Variants in SLC25A21 observed in about 807,000 individuals in gnomAD.
SLC25A21 encodes the protein mitochondrial 2-oxodicarboxylate carrier.
A neutral mutation model predicts 43.8 loss-of-function variants in SLC25A21; 47 were observed. The observed-to-expected ratio is 1.07, with a 90% confidence interval of 0.85 to 1.37. SLC25A21 has a LOEUF of 1.37. SLC25A21 is among the 40% of genes most tolerant of loss of function. SLC25A21 has a pLI of 0.00. For synonymous variants in SLC25A21, 131 were observed against 121.3 expected, an observed-to-expected ratio of 1.08 and a Z score of -0.52; for missense variants, 352 against 350.2, an observed-to-expected ratio of 1.00 and a Z score of -0.04.
Position 37,089,530 on chromosome 14 carries a change from C to T in SLC25A21, c.70+82751G>A, listed in dbSNP as rs575199752. 2.0e-5 allele frequency among the ~76,000 whole-genome samples: 3 copies of T among 152,302 alleles called. No homozygotes were observed. The South Asian group carries it at 6.2e-4, about 32-fold the overall frequency. ...CTATATGAATCCCAACTTTCAAAAA[C>T]GTTTCTGCTGCCTTTTTTATTATCC... is the stretch of plus-strand genomic sequence containing the variant. On this transcript the variant is annotated intron_variant, in intron 1 of 9. Coordinates refer to ENST00000331299, the MANE Select transcript of SLC25A21 (RefSeq NM_030631.4).
chr14:37,096,342 G>A (rs891550398), intron 1 of SLC25A21, among the ~76,000 whole-genome samples: 1 of 152,156 alleles, frequency 6.6e-6, no homozygotes, highest in African/African-American at 2.4e-5. Context: ...CCTTGGGGTA[G>A]TCTTATTCGG....
At position 36,827,912 on chromosome 14, in the gene SLC25A21, T is replaced by A. The variant is rs537211238; in HGVS notation, c.120-13911A>T. ...TTCTAGTGCAATACAGGAAAAACAATTGCAAATCCCAAGTTTAAACATTCT... is the reference window on the plus strand; with the variant it reads ...TTCTAGTGCAATACAGGAAAAACAAATGCAAATCCCAAGTTTAAACATTCT... On this transcript the variant is annotated intron_variant, in intron 2 of 9. Coordinates refer to ENST00000331299, the MANE Select transcript of SLC25A21 (RefSeq NM_030631.4). Among the ~76,000 whole-genome samples the A allele has an allele frequency of 9.2e-5, 14 of 152,296 alleles. No individual in the cohort carries two copies. In the South Asian group the frequency reaches 2.9e-3, roughly 32 times the overall value.
At chr14:37,152,940 C>T (rs578074854) in intron 1 of SLC25A21, among the ~76,000 whole-genome samples, 1 of 152,212 alleles carries the variant, frequency 6.6e-6, no homozygotes, top group East Asian at 1.9e-4. Context: ...AGACAGAATG[C>T]TGATGCTCAA....
intron 1 of SLC25A21, among the ~76,000 whole-genome samples, chr14:37,128,538 C>CTGTGTGTGTG (rs367948974): frequency 0.047 from 5,767 of 122,668 alleles, 215 homozygotes; most frequent in Admixed American, 0.08. Flanking sequence ...CTCTCTCTCT[C>CTGTGTGTGTG]TGTGTGTGTG....
At chr14:37,113,797 T>C (rs1255079141) in intron 1 of SLC25A21, among the ~76,000 whole-genome samples, 1 of 139,090 alleles carries the variant, frequency 7.2e-6, no homozygotes, top group East Asian at 2.1e-4. Flanking sequence ...GAGCATGCAG[T>C]GAGCCAAGAT....
chr14:36,905,499 C>T (rs1891511325), intron 1 of SLC25A21, among the ~76,000 whole-genome samples: 1 of 152,206 alleles, frequency 6.6e-6, no homozygotes, highest in South Asian at 2.1e-4. Flanking sequence ...TTGTAATCTT[C>T]ATTGTTGAGG....
At chr14:36,826,711 T>G (rs1171986442) in intron 2 of SLC25A21, among the ~76,000 whole-genome samples, 1 of 152,200 alleles carries the variant, frequency 6.6e-6, no homozygotes, top group Non-Finnish European at 1.5e-5. Context: ...CATTTCCATG[T>G]CAGAGAGTTG....
At chr14:36,789,685 TCA>T (rs1270809374) in intron 3 of SLC25A21, among the ~76,000 whole-genome samples, 23 of 137,908 alleles carry the variant, frequency 1.7e-4, no homozygotes, top group African/African-American at 2.7e-4. Context: ...GTTACTGTAA[TCA>T]CACACACACA....
intron 2 of SLC25A21, among the ~76,000 whole-genome samples, chr14:36,855,275 T>C: frequency 6.6e-6 from 1 of 151,424 alleles, no homozygotes; most frequent in South Asian, 2.1e-4. Flanking sequence ...TGAGGAGCAA[T>C]CAGCCAAACA....
intron 1 of SLC25A21, among the ~76,000 whole-genome samples, chr14:36,908,155 T>C (rs546761735): frequency 8.5e-5 from 13 of 152,292 alleles, no homozygotes; most frequent in African/African-American, 2.2e-4. Context: ...TGAATACATG[T>C]CATTATACAT....
At chr14:36,786,861 C>T (rs1566612891) in intron 3 of SLC25A21, among the ~76,000 whole-genome samples, 2 of 152,122 alleles carry the variant, frequency 1.3e-5, no homozygotes, top group Admixed American at 1.3e-4. Context: ...GAAATGTTCC[C>T]GGCCCAGCCT....
chr14:36,824,179 C>T, intron 2 of SLC25A21, among the ~76,000 whole-genome samples: 1 of 152,018 alleles, frequency 6.6e-6, no homozygotes, highest in Non-Finnish European at 1.5e-5. Flanking sequence ...GGATGCTTTT[C>T]AATAATATCA....
intron 3 of SLC25A21, among the ~76,000 whole-genome samples, chr14:36,740,946 C>T (rs1024190): frequency 0.54 from 82,011 of 151,822 alleles, 22,804 homozygotes; most frequent in African/African-American, 0.66. Context: ...TCAGTTTGAA[C>T]GACTAAAAAA....
At chr14:36,705,622 C>T (rs934365483) in intron 7 of SLC25A21, among the ~76,000 whole-genome samples, 2 of 152,162 alleles carry the variant, frequency 1.3e-5, no homozygotes, top group Non-Finnish European at 2.9e-5. Context: ...CTCTCACACA[C>T]ACACAATTCC....
At chr14:36,684,125 T>C (rs1238713097) in intron 8 of SLC25A21, among the ~76,000 whole-genome samples, 2 of 152,182 alleles carry the variant, frequency 1.3e-5, no homozygotes, top group Non-Finnish European at 2.9e-5. Context: ...ATCAGTGAGA[T>C]GGTTTTTGCT....
intron 7 of SLC25A21, among the ~76,000 whole-genome samples, chr14:36,706,192 T>A (rs1883555952): frequency 6.6e-6 from 1 of 152,192 alleles, no homozygotes; most frequent in Non-Finnish European, 1.5e-5. Flanking sequence ...CAATTCTGCA[T>A]ACTAACGAGC....
intron 1 of SLC25A21, among the ~76,000 whole-genome samples, chr14:36,887,159 T>C (rs750105564): frequency 7.9e-5 from 12 of 151,992 alleles, no homozygotes; most frequent in Non-Finnish European, 1.5e-4. Flanking sequence ...ATATATTACA[T>C]ATAAATATGT....
chr14:36,748,730 T>C (rs1885593136), intron 3 of SLC25A21, among the ~76,000 whole-genome samples: 2 of 152,196 alleles, frequency 1.3e-5, no homozygotes, highest in Admixed American at 1.3e-4. Context: ...CCTATGACTT[T>C]AGTTATCCAC....
At chr14:37,169,308 AG>A (rs904295379) in intron 1 of SLC25A21, among the ~76,000 whole-genome samples, 1 of 152,054 alleles carries the variant, frequency 6.6e-6, no homozygotes, top group African/African-American at 2.4e-5. Context: ...CCATCCCGAA[AG>A]GTGTAGTAGT....
Sources: allele counts gnomAD v4.1 joint callset (sites outside exome capture counted in the v4.1 genomes callset), GRCh38; gene constraint gnomAD v4.1.1; transcripts MANE v1.5; gene names NCBI Gene and HGNC (gene_info 2026-07-23, HGNC 2026-07-21).